Variants in CACNA1E observed in about 807,000 individuals in gnomAD.
CACNA1E encodes the protein calcium voltage-gated channel subunit alpha1 E.
CACNA1E carries 40 observed loss-of-function variants against 259.2 expected under a neutral mutation model. The ratio of observed to expected loss-of-function variants is 0.15; its 90% CI spans 0.12 to 0.20. The LOEUF (loss-of-function observed/expected upper bound fraction) is 0.20. Ranked by LOEUF, CACNA1E falls within the 10% of genes least tolerant of loss-of-function variation. The probability of loss-of-function intolerance (pLI) is 1.00; values close to 1 mark genes in which losing one functional copy is unlikely to be tolerated. For missense variants in CACNA1E, 1,874 were observed against 3,040.1 expected, an observed-to-expected ratio of 0.62 and a Z score of 9.02; for synonymous variants, 1,104 against 1,138.5, an observed-to-expected ratio of 0.97 and a Z score of 0.61.
chr1:181,412,518 C>T (rs1472601599), intron 1 of CACNA1E, among the ~76,000 whole-genome samples: 3 of 151,814 alleles, frequency 2.0e-5, no homozygotes, highest in African/African-American at 4.8e-5. Context: ...TGCAGTGAGC[C>T]GTGATTGCAC....
At chr1:181,737,677 C>T in intron 23 of CACNA1E, 23 bp downstream of exon 23, 1 of 1,610,266 alleles carries the variant, frequency 6.2e-7, no homozygotes, top group East Asian at 2.2e-5. Context: ...GGGCCATGTG[C>T]CAGCCTCTGT....
At chr1:181,330,308 A>G (rs1376620697) in intron 1 of CACNA1E, among the ~76,000 whole-genome samples, 1 of 151,092 alleles carries the variant, frequency 6.6e-6, no homozygotes, top group Non-Finnish European at 1.5e-5. Flanking sequence ...CCTCCCTGCC[A>G]TGGCCACCTC....
intron 1 of CACNA1E, among the ~76,000 whole-genome samples, chr1:181,344,661 G>A (rs1277914096): frequency 6.6e-6 from 1 of 152,192 alleles, no homozygotes; most frequent in Non-Finnish European, 1.5e-5. Flanking sequence ...TTACACTGTG[G>A]CATCATCCCT....
intron 1 of CACNA1E, among the ~76,000 whole-genome samples, chr1:181,359,393 T>C (rs1169917050): frequency 2.6e-5 from 4 of 152,054 alleles, no homozygotes; most frequent in African/African-American, 9.7e-5. Context: ...ATCTTTTTAG[T>C]GTACAAGGTG....
intron 25 of CACNA1E, chr1:181,745,451 C>A: frequency 2.5e-6 from 1 of 403,462 alleles, no homozygotes; most frequent in Non-Finnish European, 4.7e-6. Context: ...ACTGCCCCAT[C>A]CACACGGTAA....
intron 1 of CACNA1E, among the ~76,000 whole-genome samples, chr1:181,496,218 T>C (rs494288): frequency 0.36 from 54,017 of 152,102 alleles, 10,389 homozygotes; most frequent in African/African-American, 0.5. Flanking sequence ...CCTAAGGACA[T>C]ATTTGGATTT....
rs140854181 is a variant in CACNA1E at position 181,353,611 on chromosome 1, T to C, written c.-15+35488T>C. On this transcript the variant is annotated intron_variant, in intron 1 of 11. Transcript: ENST00000524607. Reference sequence around the variant, plus strand: ...GGTGACGGATGGGGGTGGGAAGAGATGTCAGTGAACCATGCATGCTAGACA... The same window carrying C: ...GGTGACGGATGGGGGTGGGAAGAGACGTCAGTGAACCATGCATGCTAGACA... 1.3e-3 allele frequency among the ~76,000 whole-genome samples: 197 copies of C among 152,234 alleles called. No homozygotes were observed. The Middle Eastern group carries it at 0.017, about 13-fold the overall frequency.
chr1:181,504,322 G>A (rs1244697754), intron 1 of CACNA1E, among the ~76,000 whole-genome samples: 1 of 152,092 alleles, frequency 6.6e-6, no homozygotes, highest in East Asian at 1.9e-4. Flanking sequence ...CCCACCGACT[G>A]CTCCCCACAA....
At chr1:181,645,096 G>C (rs1658144194) in intron 6 of CACNA1E, among the ~76,000 whole-genome samples, 1 of 152,226 alleles carries the variant, frequency 6.6e-6, no homozygotes, top group South Asian at 2.1e-4. Flanking sequence ...GAAGGCAGGA[G>C]TAGGGTGGGA....
At chr1:181,329,346 G>A (rs939938032) in intron 1 of CACNA1E, among the ~76,000 whole-genome samples, 1 of 152,096 alleles carries the variant, frequency 6.6e-6, no homozygotes, top group Non-Finnish European at 1.5e-5. Context: ...AGCTCCACAA[G>A]GAAGCCTGCA....
intron 2 of CACNA1E, among the ~76,000 whole-genome samples, 182 bp from the exon 3 acceptor site, chr1:181,511,189 C>T (rs559949060): frequency 6.6e-6 from 1 of 152,292 alleles, no homozygotes; most frequent in East Asian, 1.9e-4. Context: ...CCCTGGGTCT[C>T]CCTTGCCCTG....
At chr1:181,641,334 C>G (rs1657727381) in intron 6 of CACNA1E, among the ~76,000 whole-genome samples, 1 of 152,192 alleles carries the variant, frequency 6.6e-6, no homozygotes, top group Non-Finnish European at 1.5e-5. Flanking sequence ...GGGGACTGAG[C>G]AAATCCAAAC....
intron 25 of CACNA1E, among the ~76,000 whole-genome samples, chr1:181,744,597 A>G (rs1656883376): frequency 6.6e-6 from 1 of 152,214 alleles, no homozygotes; most frequent in Non-Finnish European, 1.5e-5. Context: ...TCTTTCTCCT[A>G]TTCTTCACTA....
At chr1:181,620,460 A>C (rs1225333221) in intron 6 of CACNA1E, among the ~76,000 whole-genome samples, 1 of 152,230 alleles carries the variant, frequency 6.6e-6, no homozygotes, top group Non-Finnish European at 1.5e-5. Context: ...TTCTTGTGAT[A>C]CATTCACCTC....
intron 6 of CACNA1E, among the ~76,000 whole-genome samples, chr1:181,585,321 TCATAG>T (rs1651952438): frequency 6.6e-6 from 1 of 152,186 alleles, no homozygotes; most frequent in African/African-American, 2.4e-5. Flanking sequence ...TTTCCTGAAC[TCATAG>T]TAAAGGCTTT....
At chr1:181,333,064 A>G (rs1651410373) in intron 1 of CACNA1E, among the ~76,000 whole-genome samples, 1 of 152,242 alleles carries the variant, frequency 6.6e-6, no homozygotes, top group South Asian at 2.1e-4. Context: ...CTGTGTGCTA[A>G]CTGGATCTCT....
chr1:181,508,198 G>A (rs1404684378), intron 1 of CACNA1E, among the ~76,000 whole-genome samples: 2 of 146,704 alleles, frequency 1.4e-5, no homozygotes, highest in Non-Finnish European at 3.0e-5. Flanking sequence ...CCCACTGTAT[G>A]CAAAAGTATT....
chr1:181,614,868 A>G (rs1403126449), intron 6 of CACNA1E, among the ~76,000 whole-genome samples: 3 of 152,166 alleles, frequency 2.0e-5, no homozygotes, highest in Non-Finnish European at 2.9e-5. Flanking sequence ...AGTTTTTTCA[A>G]ATTGTTGCAA....
chr1:181,417,302 C>T (rs1337397681), intron 2 of CACNA1E, among the ~76,000 whole-genome samples: 1 of 152,162 alleles, frequency 6.6e-6, no homozygotes, highest in Non-Finnish European at 1.5e-5. Context: ...CTTGAAGTCT[C>T]CTCCTACCCT....
Sources: gnomAD v4.1 joint callset for allele counts (sites outside exome capture counted in the v4.1 genomes callset) on GRCh38, gnomAD v4.1.1 for gene constraint, MANE v1.5 for transcripts, NCBI Gene and HGNC (gene_info 2026-07-23, HGNC 2026-07-21) for gene names.